Variants in TRHDE observed in about 807,000 individuals in gnomAD.
TRHDE encodes thyrotropin-releasing hormone-degrading ectoenzyme.
Under a neutral mutation model 125.7 loss-of-function variants are expected in TRHDE, and 72 were observed. That is an observed-to-expected ratio of 0.57 (90% CI 0.47 to 0.70). The LOEUF (loss-of-function observed/expected upper bound fraction) is 0.70. TRHDE is among the 30% of genes least tolerant of loss of function. The probability of loss-of-function intolerance (pLI) is 0.00; values close to 1 mark genes in which losing one functional copy is unlikely to be tolerated. For missense variants in TRHDE, 1,110 were observed against 1,327.1 expected (o/e 0.84, Z 2.54); for synonymous variants, 509 against 509.1 (o/e 1.00, Z 0.00).
At chr12:72,415,263 T>A (rs1248240633) in intron 3 of TRHDE, among the ~76,000 whole-genome samples, 1 of 152,114 alleles carries the variant, frequency 6.6e-6, no homozygotes, top group Non-Finnish European at 1.5e-5. Context: ...TATATAATAG[T>A]TGTACATATT....
intron 15 of TRHDE, among the ~76,000 whole-genome samples, chr12:72,631,802 T>C (rs985844792): frequency 6.6e-6 from 1 of 151,972 alleles, no homozygotes; most frequent in Admixed American, 6.6e-5. Context: ...ATTATTGTTC[T>C]TCTACTCAAG....
chr12:72,238,337 CATTATATATATATATATATATAT>C, intron 2 of TRHDE, among the ~76,000 whole-genome samples: 1 of 15,772 alleles, frequency 6.3e-5, no homozygotes, highest in Non-Finnish European at 1.5e-4. Flanking sequence ...TATATATACA[CATTATATATATATATATATATAT>C]ATACACATAC....
intron 2 of TRHDE, among the ~76,000 whole-genome samples, chr12:72,238,479 G>C (rs1230391930): frequency 6.7e-6 from 1 of 149,578 alleles, no homozygotes; most frequent in East Asian, 2.0e-4. Context: ...TGCCATGCTG[G>C]TTTGCTGCAC....
Position 72,363,986 on chromosome 12 carries a change from CAGAG to C in TRHDE, c.1189-14006_1189-14003del, listed in dbSNP as rs539170124. Among the ~76,000 whole-genome samples the C allele has an allele frequency of 4.4e-3, 676 of 152,094 alleles. 5 individuals carry two copies. Among genetic ancestry groups the C allele is most frequent in the African/African-American group, 0.015 (636 of 41,484 alleles). On this transcript the variant is annotated intron_variant, in intron 2 of 18. Transcript: ENST00000261180. ...TTGTTATACACCAATAACAGACAAA[CAGAG>C]AGCCAAATCATGAGTGAACTCCCAT... is the stretch of plus-strand genomic sequence containing the variant.
intron 3 of TRHDE, among the ~76,000 whole-genome samples, chr12:72,379,464 C>T (rs1017283202): frequency 1.3e-5 from 2 of 152,220 alleles, no homozygotes; most frequent in African/African-American, 2.4e-5. Flanking sequence ...GAAAGGAATA[C>T]TTGACCTCAT....
chr12:72,438,425 G>A (rs1031028399), intron 3 of TRHDE, among the ~76,000 whole-genome samples: 7 of 151,608 alleles, frequency 4.6e-5, no homozygotes, highest in East Asian at 3.9e-4. Context: ...TTCTCTACGT[G>A]CTCACCAACA....
intron 2 of TRHDE, among the ~76,000 whole-genome samples, chr12:72,148,484 C>G (rs911285862): frequency 6.6e-6 from 1 of 152,146 alleles, no homozygotes; most frequent in Non-Finnish European, 1.5e-5. Flanking sequence ...GTTTTGTGAA[C>G]TAATTGGCAA....
chr12:72,351,469 A>G (rs1396803823), intron 2 of TRHDE, among the ~76,000 whole-genome samples: 1 of 151,982 alleles, frequency 6.6e-6, no homozygotes, highest in Non-Finnish European at 1.5e-5. Flanking sequence ...ACTGGCAGCC[A>G]TAATAGAGAA....
At chr12:72,327,676 CT>C (rs1037657555) in intron 2 of TRHDE, among the ~76,000 whole-genome samples, 5 of 152,044 alleles carry the variant, frequency 3.3e-5, no homozygotes, top group African/African-American at 9.7e-5. Flanking sequence ...CAGACGAACA[CT>C]TTTTTTCATT....
chr12:72,569,852 G>A (rs546344391), intron 10 of TRHDE, among the ~76,000 whole-genome samples: 2 of 151,828 alleles, frequency 1.3e-5, no homozygotes, highest in Non-Finnish European at 2.9e-5. Context: ...TCAATTACTG[G>A]AATTAGTATT....
chr12:72,419,335 T>C (rs1367757332), intron 3 of TRHDE, among the ~76,000 whole-genome samples: 1 of 152,182 alleles, frequency 6.6e-6, no homozygotes, highest in Non-Finnish European at 1.5e-5. Flanking sequence ...TTAGTCCATT[T>C]TGTGTTGCTG....
chr12:72,424,979 G>A (rs1874122608), intron 3 of TRHDE, among the ~76,000 whole-genome samples: 1 of 152,008 alleles, frequency 6.6e-6, no homozygotes, highest in Non-Finnish European at 1.5e-5. Flanking sequence ...CTTTAAAAAT[G>A]TGCTATGAAA....
intron 3 of TRHDE, among the ~76,000 whole-genome samples, chr12:72,388,441 G>T (rs1231410383): frequency 1.3e-5 from 2 of 152,124 alleles, no homozygotes; most frequent in Admixed American, 1.3e-4. Flanking sequence ...TTGGTTCACT[G>T]CTCTATTCCC....
intron 2 of TRHDE, among the ~76,000 whole-genome samples, chr12:72,323,318 T>C (rs555379143): frequency 6.6e-6 from 1 of 152,304 alleles, no homozygotes; most frequent in South Asian, 2.1e-4. Context: ...TGGCAGGGAA[T>C]AATTTTCCAG....
intron 12 of TRHDE, among the ~76,000 whole-genome samples, chr12:72,599,841 C>A (rs1324847680): frequency 6.6e-6 from 1 of 151,908 alleles, no homozygotes; most frequent in Non-Finnish European, 1.5e-5. Flanking sequence ...TCTAGAAAAT[C>A]CTATATTTTC....
chr12:72,466,898 A>G (rs1448382346), intron 3 of TRHDE, among the ~76,000 whole-genome samples: 1 of 152,108 alleles, frequency 6.6e-6, no homozygotes, highest in African/African-American at 2.4e-5. Context: ...TCATTCATTT[A>G]TTACTTGTTA....
At chr12:72,576,682 C>T (rs527577763) in intron 12 of TRHDE, among the ~76,000 whole-genome samples, 2 of 152,012 alleles carry the variant, frequency 1.3e-5, no homozygotes, top group Non-Finnish European at 2.9e-5. Flanking sequence ...CTGACTTTTG[C>T]CTCCCTTATT....
intron 6 of TRHDE, among the ~76,000 whole-genome samples, chr12:72,505,742 T>A (rs570098017): frequency 1.3e-5 from 2 of 152,370 alleles, no homozygotes; most frequent in East Asian, 3.9e-4. Context: ...TTTAACTTGC[T>A]GCGCTTTGCC....
chr12:72,527,479 G>T (rs1190164518), intron 6 of TRHDE, among the ~76,000 whole-genome samples: 2 of 151,800 alleles, frequency 1.3e-5, no homozygotes, highest in Non-Finnish European at 2.9e-5. Context: ...TACAGAATCT[G>T]TTTCAGGGAC....
Sources: gnomAD v4.1 joint callset for allele counts (sites outside exome capture counted in the v4.1 genomes callset) on GRCh38, gnomAD v4.1.1 for gene constraint, MANE v1.5 for transcripts, NCBI Gene and HGNC (gene_info 2026-07-23, HGNC 2026-07-21) for gene names.